Variants in ZSCAN18 observed in about 807,000 individuals in gnomAD.
ZSCAN18 encodes zinc finger and SCAN domain-containing protein 18.
ZSCAN18 carries 16 observed loss-of-function variants against 31.1 expected under a neutral mutation model. The ratio of observed to expected loss-of-function variants is 0.51; its 90% CI spans 0.35 to 0.78. The LOEUF is 0.78. Among genes scored for constraint, ZSCAN18 ranks in the 30% least tolerant of loss-of-function variants. ZSCAN18 has a pLI of 0.01. For synonymous variants in ZSCAN18, 375 were observed against 320.7 expected (o/e 1.17, Z -1.81); for missense variants, 731 against 697.4 (o/e 1.05, Z -0.54).
intron 2 of ZSCAN18, among the ~76,000 whole-genome samples, 193 bp from the exon 3 acceptor site, chr19:58,089,030 G>A (rs1299878811): frequency 6.6e-6 from 1 of 152,156 alleles, no homozygotes; most frequent in African/African-American, 2.4e-5. Context: ...GGGGCCGGGC[G>A]CGGTGGCTCA....
chr19:58,104,637 G>A (rs561883841), intron 1 of ZSCAN18, among the ~76,000 whole-genome samples: 2 of 151,438 alleles, frequency 1.3e-5, no homozygotes, highest in Non-Finnish European at 2.9e-5. Context: ...AGGTGGCAGA[G>A]GTTGGCAGTG....
At chr19:58,093,898 T>C (rs1238029081) in intron 1 of ZSCAN18, among the ~76,000 whole-genome samples, 1 of 151,990 alleles carries the variant, frequency 6.6e-6, no homozygotes, top group Non-Finnish European at 1.5e-5. Context: ...CCCGAGTCAC[T>C]GGGGTTAGAG....
chr19:58,111,382 T>G (rs73579129), intron 1 of ZSCAN18, among the ~76,000 whole-genome samples: 3,872 of 152,248 alleles, frequency 0.025, 155 homozygotes, highest in African/African-American at 0.086. Flanking sequence ...GGTCTCATTC[T>G]GCTACCCTGG....
At chr19:58,092,771 C>CTTTTT (rs925285750) in intron 1 of ZSCAN18, 9 of 761,920 alleles carry the variant, frequency 1.2e-5, no homozygotes, top group African/African-American at 2.1e-5. Flanking sequence ...GATACCTCTA[C>CTTTTT]TTTTTTTTTT....
chr19:58,096,179 C>T (rs995054279), intron 1 of ZSCAN18, among the ~76,000 whole-genome samples: 12 of 152,108 alleles, frequency 7.9e-5, no homozygotes, highest in African/African-American at 2.9e-4. Context: ...CTGTGATTGG[C>T]CACTGCACTC....
At position 58,086,265 on chromosome 19, in the gene ZSCAN18, C is replaced by T. The variant is rs1481513160; in HGVS notation, c.747G>A (p.Gly249=). The T allele has an allele frequency of 3.1e-6, 5 of 1,613,388 alleles. No individual in the cohort carries two copies. Among genetic ancestry groups the T allele is most frequent in the Non-Finnish European group, 4.2e-6 (5 of 1,179,530 alleles). Residue 249 remains glycine, a splice_region_variant and synonymous_variant, in exon 6 of 7, where the codon GGG becomes GGA. Coordinates refer to ENST00000601144, the MANE Select transcript of ZSCAN18 (RefSeq NM_001145543.2). The stretch of plus-strand genomic sequence containing the variant: ...CAGCGTCAGGCTGGGAAAGCTGATA[C>T]CCTGAGTGGGGTTAAAAACCAAAGA... ...LKSYRKLLLW[G]YQLSQPDAAS...
chr19:58,084,657 C>T lies in ZSCAN18; in HGVS notation c.*28G>A. 1.4e-6 allele frequency: 2 copies of T among 1,445,684 alleles called. No homozygotes were observed. Among genetic ancestry groups the T allele is most frequent in the Non-Finnish European group, 1.8e-6 (2 of 1,105,984 alleles). The allele number at this position is 1,445,684 out of a possible 1,614,324, so 89.6% of individuals were successfully genotyped here. A position where few individuals can be genotyped will look rare whatever the true frequency, so the allele number is the denominator to read the frequency against. ...CTGGGATTCACGGCCGGCAAAGCGGCCCCTCCGGAACGGGACAGCACAGCG... is the reference window on the plus strand; with the variant it reads ...CTGGGATTCACGGCCGGCAAAGCGGTCCCTCCGGAACGGGACAGCACAGCG... On this transcript the variant is annotated 3_prime_UTR_variant, in exon 7 of 7. Coordinates refer to ENST00000601144, the MANE Select transcript of ZSCAN18 (RefSeq NM_001145543.2). The surrounding 1 kb of genome is among the most constrained non-coding windows in gnomAD (Gnocchi z 4.5).
intron 1 of ZSCAN18, chr19:58,107,995 T>C (rs2074649435): frequency 2.9e-6 from 3 of 1,037,940 alleles, no homozygotes; most frequent in Non-Finnish European, 3.5e-6. Flanking sequence ...AGTTTGACAC[T>C]GGTTACAGCC....
rs759592926 is a variant in ZSCAN18 at position 58,085,028 on chromosome 19, C to T, written c.1190G>A (p.Gly397Glu). The T allele has an allele frequency of 3.1e-6, 5 of 1,590,106 alleles. No individual in the cohort carries two copies. Among genetic ancestry groups the T allele is most frequent in the Non-Finnish European group, 4.3e-6 (5 of 1,167,854 alleles). Residue 397 changes from glycine to glutamate, a missense_variant, in exon 7 of 7, where the codon GGG (glycine) becomes GAG (glutamate). Around this residue, in one of 4 missense-constraint regions of ZSCAN18, gnomAD observed 597 missense variants for 499.5 expected, o/e 1.20. Transcript: ENST00000601144. The stretch of plus-strand genomic sequence containing the variant: ...CGGCTCGTCAGCCCCAGGGCCCTGC[C>T]CGGCCTCCAGCCCTGCGCTGTCGCC... ...SSGDSAGLEA[G>E]QGPGADEPGL...
rs1161522777 is a variant in ZSCAN18 at position 58,086,987 on chromosome 19, C to A, written c.664G>T (p.Asp222Tyr). The change falls in exon 5 of 7, where the codon GAC becomes TAC. Residue 222 changes from aspartate to tyrosine, a missense_variant. Asp to Tyr is a radical substitution (Grantham distance 160). Transcript: ENST00000601144. ...TEQKLKSFPE[D>Y]PQHLGEWGHL... ...CCCCACTCCCCCAGGTGCTGAGGGT[C>A]CTCTGGAAAGGACTTCAGCTTCTGA... 2 of 1,613,656 alleles carry A rather than the reference C, an allele frequency of 1.2e-6. No homozygotes were observed. The highest frequency in any genetic ancestry group is 1.7e-6 in the Non-Finnish European group (2 of 1,179,896).
intron 1 of ZSCAN18, among the ~76,000 whole-genome samples, chr19:58,104,287 G>A (rs974581021): frequency 2.6e-5 from 4 of 152,162 alleles, no homozygotes; most frequent in Non-Finnish European, 4.4e-5. Context: ...TCTGAGGCAG[G>A]AGAATTGCTT....
At chr19:58,096,688 A>G (rs1236641063) in intron 1 of ZSCAN18, among the ~76,000 whole-genome samples, 2 of 152,042 alleles carry the variant, frequency 1.3e-5, no homozygotes, top group Admixed American at 1.3e-4. Context: ...CTAGCAAACC[A>G]CCCCACAGCC....
chr19:58,108,372 T>C (rs1438350371), intron 1 of ZSCAN18: 2 of 985,390 alleles, frequency 2.0e-6, no homozygotes, highest in African/African-American at 1.7e-5. Flanking sequence ...ACTTCTGAAA[T>C]GCAAAACAAG....
chr19:58,093,544 T>G (rs1284601535), intron 1 of ZSCAN18: 1 of 152,208 alleles, frequency 6.6e-6, no homozygotes, highest in Non-Finnish European at 1.5e-5. Context: ...GACCCAAGCA[T>G]CTGCCTGCTC....
intron 3 of ZSCAN18, chr19:58,088,232 T>C (rs2074325058): frequency 6.2e-6 from 1 of 160,860 alleles, no homozygotes; most frequent in Admixed American, 5.9e-5. Flanking sequence ...CACGCGATGC[T>C]GGGCAACTAA....
rs1031992265 is a variant in ZSCAN18, at chr19:58,108,202, C to G, written c.130+10065G>C. ...GGTCTCTTTCCAATGTGAATTCTCC[C>G]ATGTTTAATAAGTTATGTGTGATCA... On this transcript the variant is annotated intron_variant, in intron 1 of 1. Transcript: ENST00000595721. 1.1e-5 allele frequency: 11 copies of G among 985,582 alleles called. No homozygotes were observed. The South Asian group carries it at 4.7e-4, about 42-fold the overall frequency. 61.1% of individuals were successfully genotyped at this position (985,582 alleles called of 1,614,324 possible).
upstream of ZSCAN18, among the ~76,000 whole-genome samples, chr19:58,099,966 T>TTTTTTG (rs901520376): frequency 6.8e-5 from 10 of 147,902 alleles, no homozygotes; most frequent in Non-Finnish European, 1.0e-4. Context: ...AAAGCTATGT[T>TTTTTTG]TTTTTTTTTT....
At position 58,084,325 on chromosome 19, in the gene ZSCAN18, G is replaced by C. The variant is rs1262415373; in HGVS notation, c.*360C>G. 4.7e-6 allele frequency: 1 copy of C among 211,756 alleles called. No individual in the cohort carries two copies. The highest frequency in any genetic ancestry group is 9.3e-6 in the Non-Finnish European group (1 of 107,132). The allele number at this position is 211,756 out of a possible 1,614,324, so 13.1% of individuals were successfully genotyped here. On this transcript the variant is annotated 3_prime_UTR_variant, in exon 7 of 7. Transcript: ENST00000601144. This position sits in a 1 kb window ranked among gnomAD's most constrained non-coding sequence, Gnocchi z 4.5. ...GCGCAAACAGGAGGAATCGGGGCAA[G>C]GGTGACTTGAAGAAAGCACTGGCAG...
At chr19:58,112,069 C>T (rs577272378) in intron 1 of ZSCAN18, among the ~76,000 whole-genome samples, 47 of 152,230 alleles carry the variant, frequency 3.1e-4, no homozygotes, top group African/African-American at 1.1e-3. Flanking sequence ...AGGTCTTACT[C>T]TGTGACCCAG....
Sources: gnomAD v4.1 joint callset for allele counts (sites outside exome capture counted in the v4.1 genomes callset) on GRCh38, gnomAD v4.1.1 for gene constraint, gnomAD v4.1.1 regional missense constraint, Gnocchi (gnomAD v3.1) non-coding constraint, MANE v1.5 for transcripts, NCBI Gene and HGNC (gene_info 2026-07-23, HGNC 2026-07-21) for gene names.